INO80: variants seen among roughly 807,000 people sequenced by gnomAD.
The protein encoded by INO80 is INO80 complex ATPase subunit.
In INO80, 20 loss-of-function variants were observed where a neutral mutation model predicts 203.4. The observed-to-expected ratio is 0.10, with a 90% CI of 0.07 to 0.14. The LOEUF is 0.14. Ranked by LOEUF, INO80 falls within the 10% of genes least tolerant of loss-of-function variation. INO80 has a pLI of 1.00. For missense variants in INO80, 1,419 were observed against 1,914.4 expected (o/e 0.74, Z 4.83); for synonymous variants, 726 against 685.2 (o/e 1.06, Z -0.93).
At chr15:41,072,336 T>C (rs2045334367) in intron 11 of INO80, among the ~76,000 whole-genome samples, 1 of 152,062 alleles carries the variant, frequency 6.6e-6, no homozygotes, top group African/African-American at 2.4e-5. Flanking sequence ...GGGGCTCCTA[T>C]GCAGTATATT....
chr15:41,043,150 A>G (rs1489330224), intron 24 of INO80, among the ~76,000 whole-genome samples: 2 of 152,214 alleles, frequency 1.3e-5, no homozygotes, highest in Non-Finnish European at 2.9e-5. Context: ...AAAACAGAGA[A>G]GAATACAAAT....
intron 35 of INO80, 95 bp downstream of exon 35, chr15:40,982,767 G>A (rs1384285924): frequency 2.9e-5 from 30 of 1,021,494 alleles, no homozygotes; most frequent in Middle Eastern, 3.3e-4. Flanking sequence ...GAAAGCTCCC[G>A]GCTTCAGGGT....
chr15:41,097,380 T>C (rs1404341325), intron 1 of INO80, among the ~76,000 whole-genome samples: 1 of 152,132 alleles, frequency 6.6e-6, no homozygotes, highest in Non-Finnish European at 1.5e-5. Flanking sequence ...GCATCTGCCT[T>C]ATACCTGGTT....
chr15:41,053,873 G>A (rs906733242), intron 19 of INO80, 56 bp downstream of exon 19: 36 of 1,308,066 alleles, frequency 2.8e-5, no homozygotes, highest in Middle Eastern at 1.9e-4. Context: ...TTCTCCCCCT[G>A]GAATCTTAAG....
intron 24 of INO80, among the ~76,000 whole-genome samples, chr15:41,039,701 C>T (rs1406101933): frequency 6.6e-6 from 1 of 152,168 alleles, no homozygotes; most frequent in Non-Finnish European, 1.5e-5. Context: ...TTACGATATA[C>T]AAATCCATGC....
chr15:41,057,817 A>AAG lies in INO80; in HGVS notation c.1985+821_1985+822insCT, dbSNP rs1555403663. Among the ~76,000 whole-genome samples, 24 of 138,620 alleles carry AAG rather than the reference A, an allele frequency of 1.7e-4. No homozygotes were observed. The East Asian group carries it at 3.7e-3, about 21-fold the overall frequency. 90.9% of individuals were successfully genotyped at this position (138,620 alleles called of 152,430 possible). ...CATCTCAAAAAAAAAAAAAAAAAAA[A>AAG]AAAGAAAGAAAGAAAAGAATAGAAA... On this transcript the variant is annotated intron_variant, in intron 16 of 35. Transcript: ENST00000648947.
chr15:41,031,963 G>GCACAGCACAGCACAGCACAGCACAGC (rs2044484748), intron 24 of INO80, among the ~76,000 whole-genome samples: 1 of 49,222 alleles, frequency 2.0e-5, no homozygotes, highest in Non-Finnish European at 5.0e-5. Context: ...CACAGCACAG[G>GCACAGCACAGCACAGCACAGCACAGC]ACAGCACAGC....
At chr15:40,987,793 G>C in intron 30 of INO80, 23 bp downstream of exon 30, 1 of 1,604,530 alleles carries the variant, frequency 6.2e-7, no homozygotes, top group East Asian at 2.2e-5. Flanking sequence ...ACCAGTGTAG[G>C]AATTTCTTTC....
Position 40,984,335 on chromosome 15 carries a change from T to C in INO80, c.3939A>G (p.Glu1313=). The part of the protein sequence containing the change: ...KYAEKKKKED[E]LDGKRRKEGV... ...CCTCTTTTCTCCTTTTCCCATCCAA[T>C]TCATCTTCTTTTTTCTTCTGGGAAC... is the stretch of plus-strand genomic sequence containing the variant. Residue 1313 remains glutamate (E), a synonymous_variant, in exon 33 of 36, where the codon GAA becomes GAG. Transcript: ENST00000648947. The C allele has an allele frequency of 1.2e-6, 2 of 1,614,096 alleles. No homozygotes were observed. The highest frequency in any genetic ancestry group is 1.7e-6 in the Non-Finnish European group (2 of 1,179,988).
At position 40,983,166 on chromosome 15, in the gene INO80, C is replaced by T. The variant is rs181644713; in HGVS notation, c.4238-89G>A. On this transcript the variant is annotated intron_variant, in intron 34 of 35. Transcript: ENST00000648947. ...CATCACCTTCTCCTGACAGGGAAAGCGAGCTCTTAGGGCATTTGTTTTAGG... is the reference window on the plus strand; with the variant it reads ...CATCACCTTCTCCTGACAGGGAAAGTGAGCTCTTAGGGCATTTGTTTTAGG... 1.9e-4 allele frequency: 213 copies of T among 1,107,566 alleles called. No homozygotes were observed. In the African/African-American group the frequency reaches 2.7e-3, roughly 14 times the overall value. 68.6% of individuals were successfully genotyped at this position (1,107,566 alleles called of 1,614,324 possible). A position where few individuals can be genotyped will look rare whatever the true frequency, so the allele number is the denominator to read the frequency against.
At chr15:41,029,823 TG>T (rs1160870414) in intron 24 of INO80, among the ~76,000 whole-genome samples, 2 of 152,244 alleles carry the variant, frequency 1.3e-5, no homozygotes, top group Admixed American at 1.3e-4. Flanking sequence ...CCACGTTTTT[TG>T]TTTGTTTCCT....
Position 40,987,855 on chromosome 15 carries a change from A to G in INO80, c.3690T>C (p.Ile1230=). 1 of 1,614,186 alleles carries G rather than the reference A, an allele frequency of 6.2e-7. No homozygotes were observed. Among genetic ancestry groups the G allele is most frequent in the Non-Finnish European group, 8.5e-7 (1 of 1,180,010 alleles). ...TGGCTCTTTGCAGAATGCGTTCTTCAATGGTGCCTTTACAGATGAGCCGGT... is the reference window on the plus strand; with the variant it reads ...TGGCTCTTTGCAGAATGCGTTCTTCGATGGTGCCTTTACAGATGAGCCGGT... ...TVYRLICKGT[I]EERILQRAKE... is the part of the protein sequence containing the mutation. The change falls in exon 30 of 36, where the codon ATT becomes ATC. Residue 1230 remains isoleucine, a synonymous_variant. Transcript: ENST00000648947.
chr15:40,980,143 G>GGGCA lies in INO80; in HGVS notation c.*79_*80insTGCC, dbSNP rs1263176027. The stretch of plus-strand genomic sequence containing the variant: ...TGACTCAGGATGCAAGATGCTGCAC[G>GGGCA]GGGCAAGCCATCCAAAGACCACTGG... On this transcript the variant is annotated 3_prime_UTR_variant, in exon 36 of 36. Transcript: ENST00000648947. The GGGCA allele has an allele frequency of 3.4e-4, 97 of 288,080 alleles. 1 individual carries two copies. The highest frequency in any genetic ancestry group is 2.9e-4 in the Admixed American group (3 of 10,254). 17.8% of individuals were successfully genotyped at this position (288,080 alleles called of 1,614,324 possible).
rs1002349081 is a variant in INO80 at position 41,027,659 on chromosome 15, G to A, written c.2985C>T (p.Thr995=). The A allele has an allele frequency of 6.2e-7, 1 of 1,613,780 alleles. No homozygotes were observed. The highest frequency in any genetic ancestry group is 1.3e-5 in the African/African-American group (1 of 74,922). The stretch of plus-strand genomic sequence containing the variant: ...TGAGCAGGCAGCGACGCAGCGAGGA[G>A]GTAGCTGATCTCCGCTGATGGACAA... The part of the protein sequence containing the change: ...DQVVHQRRSA[T]SSLRRCLLTE... The change falls in exon 25 of 36, where the codon ACC becomes ACT. Residue 995 remains threonine (T), a synonymous_variant. Transcript: ENST00000648947.
At chr15:41,109,562 T>C (rs937250844) in intron 1 of INO80, among the ~76,000 whole-genome samples, 3 of 152,028 alleles carry the variant, frequency 2.0e-5, no homozygotes, top group Admixed American at 1.3e-4. Context: ...GTTGGGAGGC[T>C]GAGGCGGGTG....
chr15:41,056,768 T>C, intron 16 of INO80, 62 bp from the exon 17 acceptor site: 1 of 1,395,004 alleles, frequency 7.2e-7, no homozygotes, highest in Non-Finnish European at 1.0e-6. Flanking sequence ...ATTATCCTAC[T>C]GAGACCCCAT....
intron 16 of INO80, among the ~76,000 whole-genome samples, chr15:41,056,939 C>T (rs1451983317): frequency 6.6e-6 from 1 of 152,134 alleles, no homozygotes; most frequent in African/African-American, 2.4e-5. Flanking sequence ...AAAAAAATAG[C>T]CTCAAATAGG....
intron 14 of INO80, among the ~76,000 whole-genome samples, chr15:41,064,442 T>C (rs1324076531): frequency 6.6e-6 from 1 of 152,190 alleles, no homozygotes; most frequent in East Asian, 1.9e-4. Flanking sequence ...TACAGTGGTG[T>C]GATCATAGCT....
intron 4 of INO80, among the ~76,000 whole-genome samples, chr15:41,093,114 C>A (rs997649379): frequency 7.2e-5 from 11 of 151,968 alleles, no homozygotes; most frequent in Non-Finnish European, 1.5e-4. Flanking sequence ...TGCCAAAGGA[C>A]AGAGGAAATA....
Sources: allele counts gnomAD v4.1 joint callset (sites outside exome capture counted in the v4.1 genomes callset), GRCh38; gene constraint gnomAD v4.1.1; transcripts MANE v1.5; gene names NCBI Gene and HGNC (gene_info 2026-07-23, HGNC 2026-07-21).